The following TYK2 variants were observed in gnomAD, a reference collection of about 807,000 sequenced individuals.
TYK2 encodes the protein non-receptor tyrosine-protein kinase TYK2.
A neutral mutation model predicts 130.9 loss-of-function variants in TYK2; 65 were observed. The observed-to-expected ratio is 0.50, with a 90% CI of 0.41 to 0.61. The LOEUF (loss-of-function observed/expected upper bound fraction) is 0.61. Ranked by LOEUF, TYK2 falls within the 20% of genes least tolerant of loss-of-function variation. The probability of loss-of-function intolerance (pLI) is 0.00; values close to 1 mark genes in which losing one functional copy is unlikely to be tolerated. For missense variants in TYK2, 1,378 were observed against 1,610.7 expected, an observed-to-expected ratio of 0.86 and a Z score of 2.47; for synonymous variants, 647 against 658.9, an observed-to-expected ratio of 0.98 and a Z score of 0.28.
Position 10,366,461 on chromosome 19 carries a change from A to G in TYK2, c.585T>C (p.Ala195=), listed in dbSNP as rs1367775052. The G allele has an allele frequency of 5.0e-6, 8 of 1,613,930 alleles. No homozygotes were observed. The African/African-American group carries it at 9.3e-5, about 19-fold the overall frequency. Residue 195 remains alanine (A), a synonymous_variant, in exon 6 of 25, where the codon GCT becomes GCC. Coordinates refer to ENST00000525621, the MANE Select transcript of TYK2 (RefSeq NM_003331.5). Reference sequence around the variant, plus strand: ...CCTCCAGGGGGATGCCATGGCGGAGAGCGAGGTGACAGAGGTGCAGAAAGG... The same window carrying G: ...CCTCCAGGGGGATGCCATGGCGGAGGGCGAGGTGACAGAGGTGCAGAAAGG... The part of the protein sequence containing the change: ...GMAFLHLCHL[A]LRHGIPLEEV...
intron 23 of TYK2, chr19:10,351,570 G>A (rs1410944720): frequency 7.7e-6 from 2 of 258,546 alleles, no homozygotes; most frequent in Non-Finnish European, 1.5e-5. Context: ...TCTCAGCTGT[G>A]TGACTTTGAA....
chr19:10,352,328 T>A, intron 23 of TYK2, 106 bp downstream of exon 23: 1 of 807,344 alleles, frequency 1.2e-6, no homozygotes, highest in Non-Finnish European at 2.2e-6. Context: ...CGCCTCGGCC[T>A]CCCAAAGTGC....
rs149550707 is a variant in TYK2 at position 10,378,257 on chromosome 19, C to T, written c.150G>A (p.Ser50=). The T allele has an allele frequency of 3.0e-5, 49 of 1,612,818 alleles. No homozygotes were observed. Among genetic ancestry groups the T allele is most frequent in the African/African-American group, 4.0e-5 (3 of 74,878 alleles). Residue 50 remains serine, a synonymous_variant, in exon 3 of 25, where the codon TCG becomes TCA. Coordinates refer to ENST00000525621, the MANE Select transcript of TYK2 (RefSeq NM_003331.5). Reference sequence around the variant, plus strand: ...GGATGCAGACTTCCTCAGCTGTCAGCGATGACTCACTGAAAGTGACCCAGG... The same window carrying T: ...GGATGCAGACTTCCTCAGCTGTCAGTGATGACTCACTGAAAGTGACCCAGG... ...GEPWVTFSES[S]LTAEEVCIHI...
intron 9 of TYK2, among the ~76,000 whole-genome samples, chr19:10,363,187 C>CTTT (rs942594471): frequency 1.6e-4 from 20 of 127,682 alleles, no homozygotes; most frequent in South Asian, 2.5e-4. Flanking sequence ...CCTGATCTCT[C>CTTT]TTTTTTTTTT....
intron 3 of TYK2, among the ~76,000 whole-genome samples, chr19:10,376,991 T>C (rs982725746): frequency 6.6e-6 from 1 of 152,116 alleles, no homozygotes; most frequent in Non-Finnish European, 1.5e-5. Flanking sequence ...AGGCTTGAAC[T>C]CCTGGGCTCA....
chr19:10,355,466 C>T (rs1165740718), intron 18 of TYK2, among the ~76,000 whole-genome samples: 1 of 151,518 alleles, frequency 6.6e-6, no homozygotes, highest in Non-Finnish European at 1.5e-5. Flanking sequence ...ACAGTGAAAC[C>T]CCGTCTCTAC....
At chr19:10,356,515 G>C (rs1193853320) in intron 18 of TYK2, 53 bp downstream of exon 18, 2 of 1,606,518 alleles carry the variant, frequency 1.2e-6, no homozygotes, top group Non-Finnish European at 1.7e-6. Context: ...ATACAGCAGG[G>C]ATCCCAGCCC....
At chr19:10,377,563 G>A (rs183699076) in intron 3 of TYK2, among the ~76,000 whole-genome samples, 246 of 88,554 alleles carry the variant, frequency 2.8e-3, no homozygotes, top group Non-Finnish European at 2.5e-3. Flanking sequence ...TGGGTGGATG[G>A]ATGGGTGGGT....
rs1220944247 is a variant in TYK2 at position 10,354,022 on chromosome 19, A to T, written c.2908+20T>A. ...AACCACGCCCCCTCAAGTCTCTAGG[A>T]CTCGCCGGGTCCCGCCCACCTTGGT... On this transcript the variant is annotated intron_variant, in intron 20 of 24. Coordinates refer to ENST00000525621, the MANE Select transcript of TYK2 (RefSeq NM_003331.5). 1.2e-6 allele frequency: 2 copies of T among 1,612,472 alleles called. No homozygotes were observed. Among genetic ancestry groups the T allele is most frequent in the Admixed American group, 3.3e-5 (2 of 59,944 alleles).
At chr19:10,365,399 G>A (rs1230669155) in intron 7 of TYK2, 118 bp downstream of exon 7, 2 of 1,492,336 alleles carry the variant, frequency 1.3e-6, no homozygotes, top group African/African-American at 2.7e-5. Flanking sequence ...AGGTGCCCCA[G>A]AGCCATGTGG....
In TYK2 at chr19:10,353,703, C is replaced by T. The variant is rs981589698; in HGVS notation, c.2909-57G>A. The T allele has an allele frequency of 1.5e-6, 2 of 1,340,722 alleles. No individual in the cohort carries two copies. The highest frequency in any genetic ancestry group is 2.0e-6 in the Non-Finnish European group (2 of 998,844). The allele number at this position is 1,340,722 out of a possible 1,614,324, so 83.1% of individuals were successfully genotyped here. ...ACGATAGAGGGCGGGCCGGGGACCG[C>T]CTACCTTGAGCCCAGCAGAGCCCCT... On this transcript the variant is annotated intron_variant, in intron 20 of 24. Coordinates refer to ENST00000525621, the MANE Select transcript of TYK2 (RefSeq NM_003331.5). This position sits in a 1 kb window ranked among gnomAD's most constrained non-coding sequence, Gnocchi z 6.9.
intron 7 of TYK2, 145 bp from the exon 8 acceptor site, chr19:10,365,193 T>A: frequency 2.1e-6 from 2 of 974,414 alleles, no homozygotes; most frequent in Non-Finnish European, 3.0e-6. Flanking sequence ...ACAGGTGGGA[T>A]GGGGACCCAC....
Position 10,359,261 on chromosome 19 carries a change from C to T in TYK2, c.2089G>A (p.Val697Met), listed in dbSNP as rs1266622951. 7 of 1,612,038 alleles carry T rather than the reference C, an allele frequency of 4.3e-6. No individual in the cohort carries two copies. Among genetic ancestry groups the T allele is most frequent in the Non-Finnish European group, 5.1e-6 (6 of 1,179,974 alleles). ...TEYVEHGPLD[V>M]WLRRERGHVP... is the part of the protein sequence containing the mutation. The stretch of plus-strand genomic sequence containing the variant: ...TGGCCCCGCTCCCTCCGCAGCCACA[C>T]ATCCAGGGGTCCGTGCTCCACGTAC... The change falls in exon 15 of 25, where the codon GTG becomes ATG. Residue 697 changes from valine (V) to methionine (M), a missense_variant. Coordinates refer to ENST00000525621, the MANE Select transcript of TYK2 (RefSeq NM_003331.5).
intron 3 of TYK2, among the ~76,000 whole-genome samples, chr19:10,372,484 A>ATATATATATATATATTTTTTTT (rs1390400916): frequency 2.7e-5 from 1 of 37,438 alleles, no homozygotes; most frequent in Non-Finnish European, 4.5e-5. Context: ...ATATATATAT[A>ATATATATATATATATTTTTTTT]TTTTTTTTTT....
chr19:10,353,918 G>T lies in TYK2; in HGVS notation c.2908+124C>A. 1 of 1,073,208 alleles carries T rather than the reference G, an allele frequency of 9.3e-7. No individual in the cohort carries two copies. The highest frequency in any genetic ancestry group is 1.4e-6 in the Non-Finnish European group (1 of 721,258). The allele number at this position is 1,073,208 out of a possible 1,614,324, so 66.5% of individuals were successfully genotyped here. A position where few individuals can be genotyped will look rare whatever the true frequency, so the allele number is the denominator to read the frequency against. ...CACGCTCACCCAGATGCCAAGAACC[G>T]CGTACTGCAGCCTGGGGTTGAGAGT... On this transcript the variant is annotated intron_variant, in intron 20 of 24. Transcript: ENST00000525621. The surrounding 1 kb of genome is among the most constrained non-coding windows in gnomAD (Gnocchi z 6.9).
In TYK2 at chr19:10,353,119, G is replaced by GT. The variant is rs1481069283; in HGVS notation, c.3028-22dup. 1 of 1,486,358 alleles carries GT rather than the reference G, an allele frequency of 6.7e-7. No individual in the cohort carries two copies. Among genetic ancestry groups the GT allele is most frequent in the African/African-American group, 1.4e-5 (1 of 71,062 alleles). The allele number at this position is 1,486,358 out of a possible 1,614,324, so 92.1% of individuals were successfully genotyped here. On this transcript the variant is annotated intron_variant, in intron 21 of 24. Transcript: ENST00000525621. The surrounding 1 kb of genome is among the most constrained non-coding windows in gnomAD (Gnocchi z 6.9). ...ATGCCCTGGGGACGGGGCAGGGCTC[G>GT]TGAGTTTCAGTGGGGCGGGGTTCGG...
intron 3 of TYK2, chr19:10,369,992 C>T (rs1016755121): frequency 3.1e-5 from 10 of 319,022 alleles, no homozygotes; most frequent in East Asian, 1.1e-4. Flanking sequence ...TGCAGTGAGC[C>T]GAGATTGCGC....
rs34046749 is a variant in TYK2 at position 10,357,771 on chromosome 19, G to A, written c.2459C>T (p.Pro820Leu). Reference protein sequence around the residue: ...DGEAPLQSRSPSEKEHFYQRQ... With the variant: ...DGEAPLQSRSLSEKEHFYQRQ... ...AGGGTCTCCTAGACATACCTCGGAG[G>A]GACTGCGGCTCTGCAGAGGGGCCTC... Residue 820 changes from proline to leucine, a missense_variant, in exon 17 of 25, where the codon CCC becomes CTC. Physicochemically the swap from Pro to Leu is moderately conservative, Grantham distance 98. Transcript: ENST00000525621. The A allele has an allele frequency of 6.2e-7, 1 of 1,609,950 alleles. No homozygotes were observed. The highest frequency in any genetic ancestry group is 8.5e-7 in the Non-Finnish European group (1 of 1,178,398).
At position 10,354,100 on chromosome 19, in the gene TYK2, A is replaced by T; in HGVS notation, c.2850T>A (p.Ile950=). The T allele has an allele frequency of 6.2e-7, 1 of 1,614,064 alleles. No homozygotes were observed. Among genetic ancestry groups the T allele is most frequent in the Non-Finnish European group, 8.5e-7 (1 of 1,180,016 alleles). The change falls in exon 20 of 25, where the codon ATT becomes ATA. Residue 950 remains isoleucine, a synonymous_variant. Coordinates refer to ENST00000525621, the MANE Select transcript of TYK2 (RefSeq NM_003331.5). ...HRSGWKQEID[I]LRTLYHEHII... is the part of the protein sequence containing the mutation. ...TGTGCTCGTGGTAGAGCGTGCGCAG[A>T]ATGTCAATCTCCTGCTTCCAGCCCG...
Sources: gnomAD v4.1 joint callset for allele counts (sites outside exome capture counted in the v4.1 genomes callset) on GRCh38, gnomAD v4.1.1 for gene constraint, Gnocchi (gnomAD v3.1) non-coding constraint, MANE v1.5 for transcripts, NCBI Gene and HGNC (gene_info 2026-07-23, HGNC 2026-07-21) for gene names.